The following XPR1 variants were observed in gnomAD, a reference collection of about 807,000 sequenced individuals.
XPR1 encodes solute carrier family 53 member 1.
Under a neutral mutation model 87.5 loss-of-function variants are expected in XPR1, and 28 were observed. The observed-to-expected ratio is 0.32, with a 90% CI of 0.24 to 0.44. XPR1 has a LOEUF of 0.44. Ranked by LOEUF, XPR1 falls within the 20% of genes least tolerant of loss-of-function variation. The pLI, the probability that XPR1 is intolerant of heterozygous loss-of-function variation, is 1.00. For synonymous variants in XPR1, 300 were observed against 306.1 expected (o/e 0.98, Z 0.21); for missense variants, 559 against 862.3 (o/e 0.65, Z 4.41).
At chr1:180,738,264 G>A (rs1462212415) in intron 2 of XPR1, among the ~76,000 whole-genome samples, 1 of 152,092 alleles carries the variant, frequency 6.6e-6, no homozygotes, top group Non-Finnish European at 1.5e-5. Context: ...TGCACACCTT[G>A]CCTCCCAAAG....
rs183691534 is a variant in XPR1, at chr1:180,706,753, A to T, written c.121+24342A>T. 1.6e-4 allele frequency among the ~76,000 whole-genome samples: 25 copies of T among 152,260 alleles called. No homozygotes were observed. The East Asian group carries it at 4.6e-3, about 28-fold the overall frequency. On this transcript the variant is annotated intron_variant, in intron 2 of 14. Transcript: ENST00000367590. ...CAGCCTCCTGAGTAGCTGGGATTAC[A>T]GGTGCAAGCCACCATGCCTGGCTAT...
At chr1:180,809,270 G>A (rs1650120576) in intron 6 of XPR1, among the ~76,000 whole-genome samples, 1 of 152,172 alleles carries the variant, frequency 6.6e-6, no homozygotes, top group African/African-American at 2.4e-5. Flanking sequence ...GGTAGGGTAG[G>A]CTGGGAGGAA....
chr1:180,725,300 G>A (rs965090034), intron 2 of XPR1, among the ~76,000 whole-genome samples: 2 of 151,240 alleles, frequency 1.3e-5, no homozygotes, highest in Non-Finnish European at 3.0e-5. Context: ...AAGATAGTGT[G>A]AATTTTTTTT....
intron 2 of XPR1, among the ~76,000 whole-genome samples, chr1:180,759,623 A>G (rs1479143029): frequency 6.6e-6 from 1 of 152,220 alleles, no homozygotes; most frequent in Non-Finnish European, 1.5e-5. Flanking sequence ...GCAATAATCA[A>G]TAGCTTACCA....
intron 1 of XPR1, 40 bp from the exon 2 acceptor site, chr1:180,682,320 A>T: frequency 1.3e-6 from 2 of 1,512,858 alleles, no homozygotes; most frequent in Non-Finnish European, 1.8e-6. Context: ...TATAAAGCTT[A>T]CTCATGATTT....
intron 2 of XPR1, among the ~76,000 whole-genome samples, chr1:180,737,788 C>A (rs12401315): frequency 0.11 from 17,417 of 152,124 alleles, 1,247 homozygotes; most frequent in Admixed American, 0.18. Context: ...GTCAATAATT[C>A]ATTCCTTTTT....
intron 7 of XPR1, among the ~76,000 whole-genome samples, chr1:180,820,956 T>C (rs1219450172): frequency 2.6e-5 from 4 of 152,160 alleles, no homozygotes; most frequent in African/African-American, 9.6e-5. Flanking sequence ...CTTCATGTGT[T>C]CTAGATACTA....
chr1:180,786,239 T>G (rs1649137747), intron 2 of XPR1, among the ~76,000 whole-genome samples: 1 of 149,560 alleles, frequency 6.7e-6, no homozygotes, highest in South Asian at 2.1e-4. Context: ...TAAGCTTTTG[T>G]TTTTCTTTAA....
At position 180,712,534 on chromosome 1, in the gene XPR1, A is replaced by G. The variant is rs1228402495; in HGVS notation, c.121+30123A>G. Among the ~76,000 whole-genome samples, 37 of 152,202 alleles carry G rather than the reference A, an allele frequency of 2.4e-4. 1 individual carries two copies. Among genetic ancestry groups the G allele is most frequent in the Admixed American group, 2.4e-3 (37 of 15,280 alleles). ...TATTTGTCAAAACGTCATGCTGGGCACGGTGGCTCATGCCTGTAATCCCAG... is the reference window on the plus strand; with the variant it reads ...TATTTGTCAAAACGTCATGCTGGGCGCGGTGGCTCATGCCTGTAATCCCAG... On this transcript the variant is annotated intron_variant, in intron 2 of 14. Coordinates refer to ENST00000367590, the MANE Select transcript of XPR1 (RefSeq NM_004736.4).
intron 7 of XPR1, among the ~76,000 whole-genome samples, chr1:180,816,166 T>C (rs1210034489): frequency 1.3e-5 from 2 of 152,094 alleles, no homozygotes; most frequent in African/African-American, 4.8e-5. Context: ...GGAAGACAAT[T>C]TTTTCACTGG....
At chr1:180,726,121 T>C (rs1321031320) in intron 2 of XPR1, among the ~76,000 whole-genome samples, 9 of 152,004 alleles carry the variant, frequency 5.9e-5, no homozygotes, top group Admixed American at 5.9e-4. Flanking sequence ...AGCTAAAGGA[T>C]TGTAAATGCA....
At chr1:180,838,373 C>A (rs1651379447) in intron 11 of XPR1, among the ~76,000 whole-genome samples, 1 of 152,072 alleles carries the variant, frequency 6.6e-6, no homozygotes, top group Non-Finnish European at 1.5e-5. Flanking sequence ...GAAGAAAATT[C>A]ATATGTTAAG....
At chr1:180,710,762 C>A (rs567149071) in intron 2 of XPR1, among the ~76,000 whole-genome samples, 4 of 152,296 alleles carry the variant, frequency 2.6e-5, no homozygotes, top group African/African-American at 9.6e-5. Flanking sequence ...CTCCTCACTT[C>A]CCAGAAGGGG....
intron 2 of XPR1, among the ~76,000 whole-genome samples, chr1:180,701,730 A>G (rs1310893398): frequency 7.1e-6 from 1 of 140,528 alleles, no homozygotes; most frequent in East Asian, 2.0e-4. Context: ...TGCTGGCCTC[A>G]TAAAATGAGT....
chr1:180,696,015 T>C (rs1657151302), intron 2 of XPR1, among the ~76,000 whole-genome samples: 1 of 151,844 alleles, frequency 6.6e-6, no homozygotes, highest in Non-Finnish European at 1.5e-5. Flanking sequence ...GTAGATTGCT[T>C]TGGGTAGTGT....
chr1:180,775,998 G>A (rs557232920), intron 2 of XPR1, among the ~76,000 whole-genome samples: 31 of 152,126 alleles, frequency 2.0e-4, no homozygotes, highest in Admixed American at 9.2e-4. Context: ...TGTCTCTTAC[G>A]CAATCTAAAT....
chr1:180,844,150 G>A (rs575297473), intron 11 of XPR1, among the ~76,000 whole-genome samples: 2 of 152,178 alleles, frequency 1.3e-5, no homozygotes, highest in Non-Finnish European at 2.9e-5. Context: ...GGCGGAGGTT[G>A]CAGTGAGCCG....
chr1:180,744,646 A>ATTTTTTTTTTTTT (rs1295757177), intron 2 of XPR1, among the ~76,000 whole-genome samples: 3 of 48,192 alleles, frequency 6.2e-5, no homozygotes, highest in African/African-American at 1.8e-4. Context: ...TTTAGGCACA[A>ATTTTTTTTTTTTT]TTTCTTTCTT....
At chr1:180,836,084 C>T (rs1341616564) in intron 10 of XPR1, among the ~76,000 whole-genome samples, 4 of 152,006 alleles carry the variant, frequency 2.6e-5, no homozygotes, top group African/African-American at 7.2e-5. Context: ...ATAGACTGGG[C>T]GCAGTGGCTC....
Sources: gnomAD v4.1 joint callset for allele counts (sites outside exome capture counted in the v4.1 genomes callset) on GRCh38, gnomAD v4.1.1 for gene constraint, MANE v1.5 for transcripts, NCBI Gene and HGNC (gene_info 2026-07-23, HGNC 2026-07-21) for gene names.